TNR: variants seen among roughly 807,000 people sequenced by gnomAD.
The protein encoded by TNR is tenascin-R.
TNR carries 45 observed loss-of-function variants against 150.4 expected under a neutral mutation model. That is an observed-to-expected ratio of 0.30 (90% CI 0.24 to 0.38). TNR has a LOEUF of 0.38. Among genes scored for constraint, TNR ranks in the 10% least tolerant of loss-of-function variants. TNR has a pLI of 1.00. For synonymous variants in TNR, 687 were observed against 678.4 expected, an observed-to-expected ratio of 1.01 and a Z score of -0.20; for missense variants, 1,544 against 1,759.1, an observed-to-expected ratio of 0.88 and a Z score of 2.19.
chr1:175,365,363 C>T, intron 11 of TNR, 84 bp from the exon 12 acceptor site: 1 of 1,455,414 alleles, frequency 6.9e-7, no homozygotes, highest in East Asian at 2.4e-5. Context: ...CTAAAGGGAC[C>T]TGCTCTCCTT....
At chr1:175,483,298 G>A (rs1657880403) in intron 2 of TNR, among the ~76,000 whole-genome samples, 3 of 152,158 alleles carry the variant, frequency 2.0e-5, no homozygotes, top group African/African-American at 7.2e-5. Context: ...CAGCAAGAGA[G>A]GTTAGTGGAG....
intron 1 of TNR, among the ~76,000 whole-genome samples, chr1:175,565,975 G>A (rs542574045): frequency 7.9e-5 from 12 of 152,144 alleles, no homozygotes; most frequent in Non-Finnish European, 1.8e-4. Flanking sequence ...TGGACAACAG[G>A]TAGAATCTTG....
At chr1:175,435,776 C>T (rs922582832) in intron 2 of TNR, among the ~76,000 whole-genome samples, 2 of 152,090 alleles carry the variant, frequency 1.3e-5, no homozygotes, top group Non-Finnish European at 2.9e-5. Context: ...TGGCTGGTAC[C>T]GGTTGTTCCT....
chr1:175,703,962 T>A (rs1170232416), intron 1 of TNR, among the ~76,000 whole-genome samples: 1 of 152,228 alleles, frequency 6.6e-6, no homozygotes, highest in Non-Finnish European at 1.5e-5. Context: ...TTGTATTGTG[T>A]ATGGTAGTCA....
At chr1:175,499,636 G>C (rs967359335) in intron 2 of TNR, among the ~76,000 whole-genome samples, 2 of 152,094 alleles carry the variant, frequency 1.3e-5, no homozygotes, top group African/African-American at 4.8e-5. Context: ...GGTTTTTCTG[G>C]GGAACAATGG....
intron 1 of TNR, among the ~76,000 whole-genome samples, chr1:175,613,543 C>G (rs184943395): frequency 1.3e-5 from 2 of 149,854 alleles, no homozygotes; most frequent in East Asian, 4.1e-4. Flanking sequence ...ATGATTGGAG[C>G]CTGCCCTCTG....
rs150401432 is a variant in TNR, at chr1:175,362,708, G to A, written c.2809C>T (p.Arg937Trp). ...TEYEISLNSV[R>W]GREESERICT... ...ATGCGCTCGCTTTCCTCCCTGCCCC[G>A]CACGCTGTTGAGGCTGATTTCGTAT... The change falls in exon 14 of 23, where the codon CGG (arginine) becomes TGG (tryptophan). Residue 937 changes from arginine to tryptophan, a missense_variant. Arg to Trp is a moderately radical substitution (Grantham distance 101). Coordinates refer to ENST00000367674, the MANE Select transcript of TNR (RefSeq NM_003285.3). 39 of 1,614,116 alleles carry A rather than the reference G, an allele frequency of 2.4e-5. No individual in the cohort carries two copies. The African/African-American group carries it at 3.5e-4, about 14-fold the overall frequency.
chr1:175,479,178 C>T lies in TNR; in HGVS notation c.-64+49091G>A, dbSNP rs564360279. On this transcript the variant is annotated intron_variant, in intron 2 of 22. Coordinates refer to ENST00000367674, the MANE Select transcript of TNR (RefSeq NM_003285.3). ...TCTCAATCTCTGGCAAGATTTCACC[C>T]CATGTTGACTCTCTGGCTCCCTAAA... Among the ~76,000 whole-genome samples, 6 of 152,276 alleles carry T rather than the reference C, an allele frequency of 3.9e-5. No individual in the cohort carries two copies. The East Asian group carries it at 1.2e-3, about 29-fold the overall frequency.
At chr1:175,612,399 T>C (rs898425922) in intron 1 of TNR, among the ~76,000 whole-genome samples, 11 of 152,266 alleles carry the variant, frequency 7.2e-5, no homozygotes, top group South Asian at 2.1e-4. Flanking sequence ...CTGGTGAACT[T>C]TATAGGAATT....
intron 1 of TNR, among the ~76,000 whole-genome samples, chr1:175,549,911 A>T (rs926617183): frequency 3.5e-4 from 54 of 152,308 alleles, no homozygotes; most frequent in African/African-American, 1.2e-3. Flanking sequence ...CCCAGCTAAA[A>T]CACCCTGGAC....
Position 175,645,244 on chromosome 1 carries a change from A to G in TNR, c.-165+97982T>C, listed in dbSNP as rs552377586. Among the ~76,000 whole-genome samples, 123 of 152,354 alleles carry G rather than the reference A, an allele frequency of 8.1e-4. 1 individual carries two copies. The highest frequency in any genetic ancestry group is 2.8e-3 in the African/African-American group (116 of 41,590). On this transcript the variant is annotated intron_variant, in intron 1 of 22. Coordinates refer to ENST00000367674, the MANE Select transcript of TNR (RefSeq NM_003285.3). ...AATCAACATACAATAAAACACATAT[A>G]TACATTAAACAATTAAAATAAAAAC...
chr1:175,346,294 G>A (rs926227788), intron 18 of TNR, among the ~76,000 whole-genome samples: 1 of 152,142 alleles, frequency 6.6e-6, no homozygotes, highest in African/African-American at 2.4e-5. Context: ...AGAGAAAAGA[G>A]AAAGCCTATC....
At chr1:175,538,202 T>G (rs905328175) in intron 1 of TNR, among the ~76,000 whole-genome samples, 2 of 152,062 alleles carry the variant, frequency 1.3e-5, no homozygotes, top group Admixed American at 1.3e-4. Flanking sequence ...GATGACAACC[T>G]GTGGAAAATG....
At chr1:175,567,247 G>A (rs1661680565) in intron 1 of TNR, among the ~76,000 whole-genome samples, 1 of 152,154 alleles carries the variant, frequency 6.6e-6, no homozygotes, top group Non-Finnish European at 1.5e-5. Flanking sequence ...GAAGAGCCTG[G>A]GATGTATGCA....
intron 2 of TNR, among the ~76,000 whole-genome samples, chr1:175,503,912 C>A (rs145363696): frequency 1.3e-5 from 2 of 152,072 alleles, no homozygotes; most frequent in African/African-American, 2.4e-5. Flanking sequence ...AAATTGTGCC[C>A]GCATGGAATG....
At chr1:175,474,165 G>A (rs541207666) in intron 2 of TNR, among the ~76,000 whole-genome samples, 1 of 152,288 alleles carries the variant, frequency 6.6e-6, no homozygotes, top group African/African-American at 2.4e-5. Flanking sequence ...ACACAATGGG[G>A]AGAAGACACC....
At chr1:175,488,293 T>G (rs1276045078) in intron 2 of TNR, among the ~76,000 whole-genome samples, 2 of 152,210 alleles carry the variant, frequency 1.3e-5, no homozygotes, top group Non-Finnish European at 2.9e-5. Context: ...TTTTATATGA[T>G]GTCAGAATTT....
At chr1:175,587,891 G>T (rs1662638038) in intron 1 of TNR, among the ~76,000 whole-genome samples, 1 of 152,204 alleles carries the variant, frequency 6.6e-6, no homozygotes, top group Middle Eastern at 3.2e-3. Flanking sequence ...ACCACTAAGA[G>T]AGGGGAAGCA....
intron 7 of TNR, among the ~76,000 whole-genome samples, chr1:175,389,827 G>A (rs1653093341): frequency 6.6e-6 from 1 of 152,154 alleles, no homozygotes; most frequent in Admixed American, 6.5e-5. Context: ...GAAAACCTCA[G>A]CCACCGGCCT....
Sources: allele counts gnomAD v4.1 joint callset (sites outside exome capture counted in the v4.1 genomes callset), GRCh38; gene constraint gnomAD v4.1.1; transcripts MANE v1.5; gene names NCBI Gene and HGNC (gene_info 2026-07-23, HGNC 2026-07-21).